Variants in LPAR3 observed in about 807,000 individuals in gnomAD.
LPAR3 encodes lysophosphatidic acid receptor 3.
Under a neutral mutation model 17.8 loss-of-function variants are expected in LPAR3, and 7 were observed. The ratio of observed to expected loss-of-function variants is 0.39; its 90% CI spans 0.22 to 0.74. The LOEUF (loss-of-function observed/expected upper bound fraction) is 0.74, where lower values mean the gene tolerates loss of function less well. LPAR3 is among the 30% of genes least tolerant of loss of function. The pLI is 0.40. For synonymous variants in LPAR3, 179 were observed against 179.9 expected (o/e 0.99, Z 0.04); for missense variants, 391 against 453.4 (o/e 0.86, Z 1.25).
intron 2 of LPAR3, among the ~76,000 whole-genome samples, chr1:84,821,046 GT>G (rs1659042462): frequency 6.7e-6 from 1 of 150,044 alleles, no homozygotes. Context: ...GAACTGGGCT[GT>G]GATACAAAAT....
intron 2 of LPAR3, among the ~76,000 whole-genome samples, chr1:84,849,356 A>C (rs1014891038): frequency 1.5e-5 from 2 of 130,870 alleles, no homozygotes; most frequent in African/African-American, 6.0e-5. Context: ...GCCTGGTGAC[A>C]GAGTGAGACT....
At chr1:84,892,599 A>G (rs1201413326) in intron 1 of LPAR3, among the ~76,000 whole-genome samples, 2 of 152,174 alleles carry the variant, frequency 1.3e-5, no homozygotes, top group African/African-American at 2.4e-5. Context: ...GAAAAATGTT[A>G]TATCCCTAGG....
chr1:84,846,023 G>C (rs1160961326), intron 2 of LPAR3, among the ~76,000 whole-genome samples: 1 of 152,116 alleles, frequency 6.6e-6, no homozygotes, highest in African/African-American at 2.4e-5. Flanking sequence ...TTCTAAATAA[G>C]GTGGGTAGGC....
chr1:84,873,758 G>GA (rs1660202856), intron 1 of LPAR3, among the ~76,000 whole-genome samples: 3 of 141,504 alleles, frequency 2.1e-5, no homozygotes, highest in South Asian at 4.4e-4. Context: ...TTGCTTGTTT[G>GA]TTTTTTTTTT....
Position 84,866,010 on chromosome 1 carries a change from C to T in LPAR3, c.111G>A (p.Gly37=). 1 of 1,614,156 alleles carries T rather than the reference C, an allele frequency of 6.2e-7. No individual in the cohort carries two copies. The highest frequency in any genetic ancestry group is 2.2e-5 in the East Asian group (1 of 44,888). The change falls in exon 2 of 3, where the codon GGG becomes GGA. Residue 37 remains glycine, a synonymous_variant. Coordinates refer to ENST00000370611, the MANE Select transcript of LPAR3 (RefSeq NM_012152.3). ...GTKLVIVLCV[G]TFFCLFIFFS... ...AAAAAATAAACAGGCAGAAAAACGT[C>T]CCAACACACAAAACAATCACAAGCT...
At chr1:84,846,028 G>A (rs552033130) in intron 2 of LPAR3, among the ~76,000 whole-genome samples, 6 of 152,234 alleles carry the variant, frequency 3.9e-5, no homozygotes, top group African/African-American at 1.4e-4. Context: ...AATAAGGTGG[G>A]TAGGCTCCAA....
chr1:84,862,340 G>A (rs79461302), intron 2 of LPAR3, among the ~76,000 whole-genome samples: 4,727 of 152,318 alleles, frequency 0.031, 115 homozygotes, highest in Non-Finnish European at 0.05. Flanking sequence ...AAAGATGAGC[G>A]TAAAAAGTCC....
chr1:84,818,392 C>CA (rs976433952), intron 2 of LPAR3, among the ~76,000 whole-genome samples: 4 of 152,022 alleles, frequency 2.6e-5, no homozygotes, highest in Non-Finnish European at 4.4e-5. Flanking sequence ...ACTTTCATGA[C>CA]AAAAAAATCA....
At chr1:84,849,897 A>G (rs1318035771) in intron 2 of LPAR3, among the ~76,000 whole-genome samples, 1 of 152,190 alleles carries the variant, frequency 6.6e-6, no homozygotes, top group East Asian at 1.9e-4. Flanking sequence ...GGATCATAGT[A>G]GGGTTGGTCC....
chr1:84,821,842 G>C (rs749261471), intron 2 of LPAR3, among the ~76,000 whole-genome samples: 11 of 152,174 alleles, frequency 7.2e-5, no homozygotes, highest in Non-Finnish European at 1.2e-4. Context: ...TCCAGGGTGA[G>C]TGGGTAGCAT....
intron 2 of LPAR3, among the ~76,000 whole-genome samples, chr1:84,863,632 C>A (rs1318914163): frequency 6.6e-6 from 1 of 152,150 alleles, no homozygotes; most frequent in African/African-American, 2.4e-5. Context: ...CTCACGCAGT[C>A]CTGTGATTTA....
chr1:84,814,474 T>A (rs1658894773), intron 2 of LPAR3, among the ~76,000 whole-genome samples: 1 of 152,208 alleles, frequency 6.6e-6, no homozygotes, highest in Non-Finnish European at 1.5e-5. Flanking sequence ...ACATGCATGA[T>A]CTCCGTTAGT....
intron 2 of LPAR3, among the ~76,000 whole-genome samples, chr1:84,832,626 G>T (rs1435855953): frequency 6.6e-6 from 1 of 152,118 alleles, no homozygotes; most frequent in East Asian, 1.9e-4. Context: ...GGCCAAATAT[G>T]TAACATATAA....
intron 2 of LPAR3, among the ~76,000 whole-genome samples, chr1:84,850,444 G>GGACATGGT (rs1178881832): frequency 3.3e-5 from 5 of 149,806 alleles, no homozygotes; most frequent in African/African-American, 1.2e-4. Context: ...AAAAATAGCT[G>GGACATGGT]GACATGGTGG....
At chr1:84,892,563 C>T (rs970100307) in intron 1 of LPAR3, among the ~76,000 whole-genome samples, 4 of 152,230 alleles carry the variant, frequency 2.6e-5, no homozygotes, top group Non-Finnish European at 5.9e-5. Context: ...GCGGACACAG[C>T]ACAGTACCAG....
chr1:84,880,651 G>T (rs1410320074), intron 1 of LPAR3, among the ~76,000 whole-genome samples: 2 of 152,220 alleles, frequency 1.3e-5, no homozygotes, highest in Non-Finnish European at 2.9e-5. Context: ...ATGCTTAAGA[G>T]CTTGACCCAG....
chr1:84,864,419 A>T (rs1660001692), intron 2 of LPAR3, among the ~76,000 whole-genome samples: 1 of 152,206 alleles, frequency 6.6e-6, no homozygotes, highest in Non-Finnish European at 1.5e-5. Context: ...CATTCCAATA[A>T]TGGAACACTA....
At chr1:84,867,722 T>C (rs911672128) in intron 1 of LPAR3, among the ~76,000 whole-genome samples, 2 of 152,216 alleles carry the variant, frequency 1.3e-5, no homozygotes, top group East Asian at 3.9e-4. Context: ...GACTCAATTT[T>C]CATAATGACA....
chr1:84,867,551 T>TTA (rs1553149334), intron 1 of LPAR3, among the ~76,000 whole-genome samples: 6 of 152,152 alleles, frequency 3.9e-5, no homozygotes, highest in Admixed American at 3.3e-4. Flanking sequence ...GTCTTTTTTT[T>TTA]AATTTATATT....
Sources: gnomAD v4.1 joint callset for allele counts (sites outside exome capture counted in the v4.1 genomes callset) on GRCh38, gnomAD v4.1.1 for gene constraint, MANE v1.5 for transcripts, NCBI Gene and HGNC (gene_info 2026-07-23, HGNC 2026-07-21) for gene names.